Variants in YTHDC2 observed in about 807,000 individuals in gnomAD.
The protein encoded by YTHDC2 is YTH N6-methyladenosine RNA binding protein C2.
A neutral mutation model predicts 174.9 loss-of-function variants in YTHDC2; 45 were observed. That is an observed-to-expected ratio of 0.26 (90% confidence interval 0.20 to 0.33). The LOEUF (loss-of-function observed/expected upper bound fraction) is 0.33. Ranked by LOEUF, YTHDC2 falls within the 10% of genes least tolerant of loss-of-function variation. The pLI is 1.00. For synonymous variants in YTHDC2, 657 were observed against 574.5 expected (o/e 1.14, Z -2.05); for missense variants, 1,650 against 1,723.7 (o/e 0.96, Z 0.76).
chr5:113,564,242 G>A (rs1777191334), intron 20 of YTHDC2, 111 bp downstream of exon 20: 2 of 1,219,528 alleles, frequency 1.6e-6, no homozygotes, highest in East Asian at 2.6e-5. Context: ...CATTAATTTT[G>A]TTTCATTATG....
intron 2 of YTHDC2, among the ~76,000 whole-genome samples, chr5:113,520,474 G>A (rs1773788526): frequency 6.6e-6 from 1 of 151,598 alleles, no homozygotes; most frequent in African/African-American, 2.4e-5. Flanking sequence ...CAAGAATAAA[G>A]GATTATTGAA....
In YTHDC2 at chr5:113,584,344, G is replaced by A; in HGVS notation, c.3690G>A (p.Gln1230=). 1.2e-6 allele frequency: 2 copies of A among 1,613,618 alleles called. No individual in the cohort carries two copies. The highest frequency in any genetic ancestry group is 1.7e-6 in the Non-Finnish European group (2 of 1,179,772). Residue 1230 remains glutamine, a synonymous_variant, in exon 26 of 30, where the codon CAG becomes CAA. Transcript: ENST00000161863. The stretch of plus-strand genomic sequence containing the variant: ...CATCTCCAGCATTACACCCACCTCA[G>A]AAGTACAAAGATAGAGGAATTTTAC... ...KSPSPALHPP[Q]KYKDRGILHP...
intron 26 of YTHDC2, among the ~76,000 whole-genome samples, chr5:113,589,136 AT>A (rs1000216983): frequency 6.6e-6 from 1 of 151,602 alleles, no homozygotes; most frequent in Non-Finnish European, 1.5e-5. Context: ...TCCATTTTGT[AT>A]TATTTACTTC....
intron 2 of YTHDC2, among the ~76,000 whole-genome samples, chr5:113,524,328 G>A (rs1322365899): frequency 6.6e-6 from 1 of 152,068 alleles, no homozygotes; most frequent in Non-Finnish European, 1.5e-5. Flanking sequence ...GCTCAGTCCT[G>A]GACCAGTTGA....
chr5:113,588,061 C>A (rs1359225331), intron 26 of YTHDC2, among the ~76,000 whole-genome samples: 1 of 151,996 alleles, frequency 6.6e-6, no homozygotes, highest in Non-Finnish European at 1.5e-5. Context: ...TTAGTATATA[C>A]AAATACATTT....
chr5:113,579,848 C>T, intron 24 of YTHDC2, 153 bp downstream of exon 24: 2 of 985,270 alleles, frequency 2.0e-6, no homozygotes, highest in Non-Finnish European at 2.4e-6. Flanking sequence ...CATTCATTCT[C>T]TTCTGTATTG....
chr5:113,579,497 G>T, intron 23 of YTHDC2, 89 bp from the exon 24 acceptor site: 1 of 853,014 alleles, frequency 1.2e-6, no homozygotes, highest in Non-Finnish European at 1.8e-6. Context: ...AGGAGGGTTT[G>T]TGTATATGAA....
intron 8 of YTHDC2, among the ~76,000 whole-genome samples, chr5:113,540,738 G>A (rs1775399395): frequency 6.6e-6 from 1 of 152,152 alleles, no homozygotes; most frequent in Admixed American, 6.5e-5. Context: ...GATGTGGGTG[G>A]AGACATAAAG....
chr5:113,563,396 G>C lies in YTHDC2; in HGVS notation c.2346G>C (p.Leu782=), dbSNP rs750166581. Residue 782 remains leucine, a synonymous_variant, in exon 19 of 30, where the codon CTG becomes CTC. Transcript: ENST00000161863. ...AGGAACTTTGCTTACATACCAAGCT[G>C]TTAGCCCCAGTTAATTGTCCCATTG... ...PLQELCLHTK[L]LAPVNCPIAD... 10 of 1,610,994 alleles carry C rather than the reference G, an allele frequency of 6.2e-6. No homozygotes were observed. In the African/African-American group the frequency reaches 1.3e-4, roughly 22 times the overall value.
In YTHDC2 at chr5:113,563,932, C is replaced by T; in HGVS notation, c.2516C>T (p.Pro839Leu). The T allele has an allele frequency of 6.2e-7, 1 of 1,614,102 alleles. No homozygotes were observed. Among genetic ancestry groups the T allele is most frequent in the East Asian group, 2.2e-5 (1 of 44,856 alleles). ...GYHLADLPVE[P>L]HLGKMVLCAV... ...CATTTGGCTGACTTGCCAGTAGAACCACATCTTGGTAAAATGGTCTTGTGT... is the reference window on the plus strand; with the variant it reads ...CATTTGGCTGACTTGCCAGTAGAACTACATCTTGGTAAAATGGTCTTGTGT... The change falls in exon 20 of 30, where the codon CCA becomes CTA. Residue 839 changes from proline to leucine, a missense_variant. By Grantham distance (98) the Pro-to-Leu change is moderately conservative. Coordinates refer to ENST00000161863, the MANE Select transcript of YTHDC2 (RefSeq NM_022828.5).
intron 12 of YTHDC2, among the ~76,000 whole-genome samples, chr5:113,551,381 A>G (rs1315626559): frequency 2.0e-5 from 3 of 152,126 alleles, no homozygotes; most frequent in Admixed American, 6.6e-5. Context: ...ATTATCAATT[A>G]TAAATTTCAG....
chr5:113,513,982 C>G lies in YTHDC2; in HGVS notation c.87C>G (p.Gly29=). 1 of 1,602,858 alleles carries G rather than the reference C, an allele frequency of 6.2e-7. No homozygotes were observed. The highest frequency in any genetic ancestry group is 1.1e-5 in the South Asian group (1 of 89,640). Residue 29 remains glycine (G), a synonymous_variant, in exon 1 of 30, where the codon GGC becomes GGG. Coordinates refer to ENST00000161863, the MANE Select transcript of YTHDC2 (RefSeq NM_022828.5). ...GGGPSPCGPG[G]GGRAKGLKDI... ...GCCCCTCGCCTTGTGGCCCTGGGGG[C>G]GGCGGCCGGGCCAAGGGGCTGAAGG...
intron 2 of YTHDC2, among the ~76,000 whole-genome samples, chr5:113,516,043 C>G (rs1456601768): frequency 1.3e-5 from 2 of 152,090 alleles, no homozygotes; most frequent in African/African-American, 2.4e-5. Context: ...ATCCTTATGG[C>G]AGAGTGACAT....
At chr5:113,547,957 T>G (rs1262181852) in intron 10 of YTHDC2, among the ~76,000 whole-genome samples, 4 of 152,168 alleles carry the variant, frequency 2.6e-5, no homozygotes, top group Non-Finnish European at 5.9e-5. Context: ...AGGAAGAAAC[T>G]TCAATAGAAC....
chr5:113,579,519 C>T lies in YTHDC2; in HGVS notation c.3245-67C>T, dbSNP rs1580635385. 2.5e-6 allele frequency: 3 copies of T among 1,199,008 alleles called. No homozygotes were observed. In the East Asian group the frequency reaches 7.8e-5, roughly 31 times the overall value. 74.3% of individuals were successfully genotyped at this position (1,199,008 alleles called of 1,614,324 possible). ...TTTGTGTATATGAAGCGTATTTATT[C>T]TTCTTAGTTTTTTGCCATAACGTAA... is the stretch of plus-strand genomic sequence containing the variant. On this transcript the variant is annotated intron_variant, in intron 23 of 29. Transcript: ENST00000161863.
chr5:113,530,996 C>T (rs1342324341), intron 4 of YTHDC2, among the ~76,000 whole-genome samples: 1 of 152,136 alleles, frequency 6.6e-6, no homozygotes, highest in African/African-American at 2.4e-5. Flanking sequence ...CCCCCCAACT[C>T]CTTCTCTCCG....
At position 113,563,847 on chromosome 5, in the gene YTHDC2, C is replaced by G; in HGVS notation, c.2443-12C>G. 6.2e-7 allele frequency: 1 copy of G among 1,613,892 alleles called. No homozygotes were observed. The highest frequency in any genetic ancestry group is 1.1e-5 in the South Asian group (1 of 91,068). On this transcript the variant is annotated splice_polypyrimidine_tract_variant and intron_variant, in intron 19 of 29. Coordinates refer to ENST00000161863, the MANE Select transcript of YTHDC2 (RefSeq NM_022828.5). Reference sequence around the variant, plus strand: ...GCTCACATCAAAGTCTGTTCTGTCTCCTTTTACTTAGACAATAGATGCAAT... The same window carrying G: ...GCTCACATCAAAGTCTGTTCTGTCTGCTTTTACTTAGACAATAGATGCAAT...
Position 113,584,376 on chromosome 5 carries a change from A to G in YTHDC2, c.3722A>G (p.Lys1241Arg). 1 of 1,613,916 alleles carries G rather than the reference A, an allele frequency of 6.2e-7. No individual in the cohort carries two copies. Among genetic ancestry groups the G allele is most frequent in the South Asian group, 1.1e-5 (1 of 91,068 alleles). ...AAAGATAGAGGAATTTTACATCCTA[A>G]ACGAGGTACTGAGGACCGATCAGAT... ...KYKDRGILHPKRGTEDRSDQS... is the reference protein window; with the variant it reads ...KYKDRGILHPRRGTEDRSDQS... Residue 1241 changes from lysine (K) to arginine (R), a missense_variant, in exon 26 of 30, where the codon AAA becomes AGA. Physicochemically the swap from Lys to Arg is conservative, Grantham distance 26. Coordinates refer to ENST00000161863, the MANE Select transcript of YTHDC2 (RefSeq NM_022828.5).
At chr5:113,549,910 G>GAATA (rs1275970445) in intron 12 of YTHDC2, among the ~76,000 whole-genome samples, 2 of 151,176 alleles carry the variant, frequency 1.3e-5, no homozygotes, top group Non-Finnish European at 2.9e-5. Flanking sequence ...TTGAATGAAT[G>GAATA]AATAAATAAA....
Sources: gnomAD v4.1 joint callset for allele counts (sites outside exome capture counted in the v4.1 genomes callset) on GRCh38, gnomAD v4.1.1 for gene constraint, MANE v1.5 for transcripts, NCBI Gene and HGNC (gene_info 2026-07-23, HGNC 2026-07-21) for gene names.